Variants in RMDN1 observed in about 807,000 individuals in gnomAD.
RMDN1 encodes regulator of microtubule dynamics 1, also known as regulator of microtubule dynamics protein 1.
A neutral mutation model predicts 48.9 loss-of-function variants in RMDN1; 48 were observed. The observed-to-expected ratio is 0.98, with a 90% CI of 0.78 to 1.25. The LOEUF (loss-of-function observed/expected upper bound fraction) is 1.25. RMDN1 is among the 50% of genes most tolerant of loss of function. The pLI, the probability that RMDN1 is intolerant of heterozygous loss-of-function variation, is 0.00. For synonymous variants in RMDN1, 148 were observed against 132.6 expected (o/e 1.12, Z -0.80); for missense variants, 418 against 373.4 (o/e 1.12, Z -0.98).
intron 2 of RMDN1, 44 bp downstream of exon 2, chr8:86,506,951 C>T (rs760674019): frequency 2.0e-6 from 2 of 1,019,908 alleles, no homozygotes; most frequent in South Asian, 2.7e-5. Flanking sequence ...AATGTACGCA[C>T]ACAAAAAAAC....
At chr8:86,486,664 A>C in intron 3 of RMDN1, 21 bp from the exon 4 acceptor site, 1 of 1,578,858 alleles carries the variant, frequency 6.3e-7, no homozygotes, top group Admixed American at 1.9e-5. Context: ...ATAAAATATA[A>C]AACAACCATT....
At chr8:86,504,821 A>G (rs1437439143) in intron 2 of RMDN1, 3 of 1,041,716 alleles carry the variant, frequency 2.9e-6, no homozygotes, top group Non-Finnish European at 4.5e-6. Flanking sequence ...CCAACTTCTT[A>G]GTCGGACTGC....
At chr8:86,480,542 A>G (rs1270689276) in intron 5 of RMDN1, among the ~76,000 whole-genome samples, 1 of 152,090 alleles carries the variant, frequency 6.6e-6, no homozygotes, top group Non-Finnish European at 1.5e-5. Flanking sequence ...ACTATTTTGT[A>G]TGGTTCAGAC....
At chr8:86,471,260 G>T (rs1812536862), downstream of RMDN1, among the ~76,000 whole-genome samples, 1 of 148,124 alleles carries the variant, frequency 6.8e-6, no homozygotes, top group Non-Finnish European at 1.5e-5. Context: ...CTTTATTATT[G>T]AATGATACCT....
chr8:86,508,839 T>G (rs1819872184), upstream of RMDN1: 1 of 1,258,580 alleles, frequency 7.9e-7, no homozygotes, highest in Non-Finnish European at 1.0e-6. Flanking sequence ...TAATGGACTT[T>G]CCGCGCCTGC....
At chr8:86,506,803 T>C (rs776464465) in intron 2 of RMDN1, among the ~76,000 whole-genome samples, 192 bp downstream of exon 2, 2 of 152,224 alleles carry the variant, frequency 1.3e-5, no homozygotes, top group Non-Finnish European at 2.9e-5. Context: ...CGTCAACTTC[T>C]GGCTCCTCAA....
At chr8:86,468,573 A>G, downstream of RMDN1, 1 of 430,976 alleles carries the variant, frequency 2.3e-6, no homozygotes, top group Middle Eastern at 3.5e-4. Context: ...CCATGACAGA[A>G]GTTATTGAAT....
At chr8:86,502,098 C>T (rs1011240629) in intron 2 of RMDN1, among the ~76,000 whole-genome samples, 5 of 152,072 alleles carry the variant, frequency 3.3e-5, no homozygotes, top group Non-Finnish European at 5.9e-5. Flanking sequence ...GCTTCTTTCC[C>T]CAATCACCCT....
At chr8:86,498,021 G>A (rs535105429) in intron 2 of RMDN1, among the ~76,000 whole-genome samples, 8 of 152,196 alleles carry the variant, frequency 5.3e-5, no homozygotes, top group East Asian at 1.9e-4. Context: ...GCTTGAACCC[G>A]GGAGGTGGAG....
chr8:86,473,224 T>C lies in RMDN1; in HGVS notation c.*1084A>G. 1.0e-6 allele frequency: 1 copy of C among 952,868 alleles called. No individual in the cohort carries two copies. Among genetic ancestry groups the C allele is most frequent in the Non-Finnish European group, 1.2e-6 (1 of 827,154 alleles). The allele number at this position is 952,868 out of a possible 1,614,324, so 59.0% of individuals were successfully genotyped here. A position where few individuals can be genotyped will look rare whatever the true frequency, so the allele number is the denominator to read the frequency against. ...TGTAACATTACAATTCCCAAATCCT[T>C]TGGGAAAAATCCACCTACACACACA... On this transcript the variant is annotated 3_prime_UTR_variant, in exon 10 of 10. Coordinates refer to ENST00000406452, the MANE Select transcript of RMDN1 (RefSeq NM_016033.3).
intron 2 of RMDN1, chr8:86,505,423 C>T (rs1257948137): frequency 6.6e-6 from 3 of 454,100 alleles, no homozygotes; most frequent in Non-Finnish European, 1.3e-5. Context: ...GTTCCCCCAA[C>T]CTCAGACTTA....
chr8:86,493,347 G>A (rs1447581863), intron 2 of RMDN1, among the ~76,000 whole-genome samples: 2 of 152,174 alleles, frequency 1.3e-5, no homozygotes, highest in Non-Finnish European at 2.9e-5. Flanking sequence ...ACTGAAATCA[G>A]TATGTCAAAG....
chr8:86,509,833 ATCTT>A (rs1819952046), upstream of RMDN1, among the ~76,000 whole-genome samples: 2 of 152,268 alleles, frequency 1.3e-5, no homozygotes, highest in African/African-American at 4.8e-5. Flanking sequence ...TTTAAAGTCT[ATCTT>A]TAAAAATATA....
At chr8:86,489,398 G>T (rs1039433683) in intron 2 of RMDN1, among the ~76,000 whole-genome samples, 1 of 151,980 alleles carries the variant, frequency 6.6e-6, no homozygotes, top group Non-Finnish European at 1.5e-5. Flanking sequence ...TCTGAATTTC[G>T]GGAAATTCCA....
chr8:86,506,501 C>G (rs145480398), intron 2 of RMDN1, among the ~76,000 whole-genome samples: 10 of 152,282 alleles, frequency 6.6e-5, no homozygotes, highest in Middle Eastern at 3.4e-3. Context: ...TACAGTGTAG[C>G]CCACACTTGA....
At chr8:86,495,076 C>T (rs1407749125) in intron 2 of RMDN1, 2 of 295,630 alleles carry the variant, frequency 6.8e-6, no homozygotes, top group African/African-American at 4.4e-5. Flanking sequence ...GCCAGGAAGA[C>T]ATGACATTCT....
rs553696680 is a variant in RMDN1, at chr8:86,508,678, G to A, written c.-58C>T. The A allele has an allele frequency of 1.9e-5, 28 of 1,489,294 alleles. No individual in the cohort carries two copies. The African/African-American group carries it at 3.3e-4, about 18-fold the overall frequency. 92.3% of individuals were successfully genotyped at this position (1,489,294 alleles called of 1,614,324 possible). On this transcript the variant is annotated 5_prime_UTR_variant, in exon 1 of 10. Transcript: ENST00000406452. The stretch of plus-strand genomic sequence containing the variant: ...TTCAGGCAGCTACGGAGGCGGGCGG[G>A]GCTAAAGGAGATTCAATCCTTCCGG...
At chr8:86,476,716 A>G (rs1813433812) in intron 8 of RMDN1, among the ~76,000 whole-genome samples, 1 of 152,120 alleles carries the variant, frequency 6.6e-6, no homozygotes, top group Non-Finnish European at 1.5e-5. Flanking sequence ...TGTTTTTTTC[A>G]GACAAGTCTC....
chr8:86,490,048 A>C (rs1218208862), intron 2 of RMDN1, among the ~76,000 whole-genome samples: 2 of 152,078 alleles, frequency 1.3e-5, no homozygotes, highest in Non-Finnish European at 2.9e-5. Context: ...ATTAGGTGTT[A>C]TAAAGTTTAA....
Sources: gnomAD v4.1 joint callset for allele counts (sites outside exome capture counted in the v4.1 genomes callset) on GRCh38, gnomAD v4.1.1 for gene constraint, MANE v1.5 for transcripts, NCBI Gene and HGNC (gene_info 2026-07-23, HGNC 2026-07-21) for gene names.